Variants in LY9 observed in about 807,000 individuals in gnomAD.
LY9 encodes the protein lymphocyte antigen 9.
LY9 carries 59 observed loss-of-function variants against 64.6 expected under a neutral mutation model. The ratio of observed to expected loss-of-function variants is 0.91; its 90% CI spans 0.74 to 1.13. The LOEUF (loss-of-function observed/expected upper bound fraction) is 1.13, where lower values mean the gene tolerates loss of function less well. LY9 is among the 50% of genes most tolerant of loss of function. LY9 has a pLI of 0.00. For synonymous variants in LY9, 281 were observed against 308.5 expected (o/e 0.91, Z 0.93); for missense variants, 789 against 797.2 (o/e 0.99, Z 0.12).
At chr1:160,797,686 T>C (rs1666021793) in intron 1 of LY9, among the ~76,000 whole-genome samples, 2 of 152,178 alleles carry the variant, frequency 1.3e-5, no homozygotes, top group Non-Finnish European at 2.9e-5. Flanking sequence ...AAAGAGTCAT[T>C]TCAGGAACTT....
At chr1:160,817,026 G>C (rs1485382137) in intron 5 of LY9, among the ~76,000 whole-genome samples, 163 bp downstream of exon 5, 1 of 152,278 alleles carries the variant, frequency 6.6e-6, no homozygotes, top group East Asian at 1.9e-4. Flanking sequence ...TGATTTTAAT[G>C]TTCTAATAGC....
intron 2 of LY9, chr1:160,802,195 C>T (rs1666561611): frequency 8.4e-7 from 1 of 1,196,748 alleles, no homozygotes; most frequent in Non-Finnish European, 1.0e-6. Context: ...GGGGTTTGTG[C>T]TTGGTCTTTC....
In LY9 at chr1:160,819,331, A is replaced by T. The variant is rs934756222; in HGVS notation, c.1455A>T (p.Pro485=). Residue 485 remains proline, a synonymous_variant, in exon 7 of 10, where the codon CCA becomes CCT. Coordinates refer to ENST00000263285, the MANE Select transcript of LY9 (RefSeq NM_002348.4). ...AACTTTGTTTCTCAGGTTCAGTCCCAGCCTTCTGTTCCAGCCAAGCTGAGG... is the reference window on the plus strand; with the variant it reads ...AACTTTGTTTCTCAGGTTCAGTCCCTGCCTTCTGTTCCAGCCAAGCTGAGG... ...IWKRKGRCSV[P]AFCSSQAEAP... is the part of the protein sequence containing the mutation. 3.0e-5 allele frequency: 48 copies of T among 1,613,670 alleles called. No homozygotes were observed. The highest frequency in any genetic ancestry group is 3.8e-5 in the Non-Finnish European group (45 of 1,179,642).
At chr1:160,807,118 C>T (rs1327310668) in intron 2 of LY9, among the ~76,000 whole-genome samples, 1 of 152,058 alleles carries the variant, frequency 6.6e-6, no homozygotes, top group East Asian at 1.9e-4. Flanking sequence ...GTTAATTTGT[C>T]ATTCATATCC....
Position 160,799,900 on chromosome 1 carries a change from G to A in LY9, c.272G>A (p.Arg91His), listed in dbSNP as rs35759983. 3.9e-3 allele frequency: 6,308 copies of A among 1,614,114 alleles called. 27 individuals carry two copies. The highest frequency in any genetic ancestry group is 4.9e-3 in the Non-Finnish European group (5,789 of 1,180,010). The change falls in exon 2 of 10, where the codon CGT becomes CAT. Residue 91 changes from arginine (R) to histidine (H), a missense_variant. Physicochemically the swap from Arg to His is conservative, Grantham distance 29. Transcript: ENST00000263285. ...IGPKNALAFA[R>H]PKENVTIMVK... ...CCCAAAAATGCTCTTGCTTTCGCAC[G>A]TCCCAAAGAAAATGTAACCATTATG...
chr1:160,819,359 C>G lies in LY9; in HGVS notation c.1483C>G (p.Pro495Ala). ...CTTCTGTTCCAGCCAAGCTGAGGCC[C>G]CAGCGGATACACCAGGTAACATCAC... ...PAFCSSQAEA[P>A]ADTPEPTAGH... The change falls in exon 7 of 10, where the codon CCA becomes GCA. Residue 495 changes from proline (P) to alanine (A), a missense_variant. Transcript: ENST00000263285. The G allele has an allele frequency of 6.2e-7, 1 of 1,613,514 alleles. No homozygotes were observed. Among genetic ancestry groups the G allele is most frequent in the Non-Finnish European group, 8.5e-7 (1 of 1,179,552 alleles).
chr1:160,814,401 G>A lies in LY9; in HGVS notation c.731-19G>A, dbSNP rs1029771358. On this transcript the variant is annotated intron_variant, in intron 3 of 9. Coordinates refer to ENST00000263285, the MANE Select transcript of LY9 (RefSeq NM_002348.4). ...TAGGGACAGTGACTGAAGCTGCAAT[G>A]TCTCATCTGTGACCCCAGATCCAGG... The A allele has an allele frequency of 7.6e-6, 12 of 1,574,504 alleles. No individual in the cohort carries two copies. The highest frequency in any genetic ancestry group is 1.0e-5 in the Non-Finnish European group (12 of 1,153,438).
At chr1:160,808,967 C>T (rs909651757) in intron 2 of LY9, among the ~76,000 whole-genome samples, 2 of 152,120 alleles carry the variant, frequency 1.3e-5, no homozygotes, top group African/African-American at 2.4e-5. Flanking sequence ...AAATTCCTTA[C>T]ATGTTATATA....
chr1:160,827,379 C>T (rs570191231), intron 9 of LY9, among the ~76,000 whole-genome samples: 1 of 152,316 alleles, frequency 6.6e-6, no homozygotes, highest in African/African-American at 2.4e-5. Flanking sequence ...GGAACTTAAC[C>T]TCTGCCATCT....
chr1:160,797,582 A>G (rs1482005023), intron 1 of LY9, among the ~76,000 whole-genome samples: 3 of 152,184 alleles, frequency 2.0e-5, no homozygotes, highest in Non-Finnish European at 4.4e-5. Context: ...AACAGTTCAG[A>G]GCAAAGAGGC....
intron 4 of LY9, among the ~76,000 whole-genome samples, chr1:160,815,925 T>C (rs959640915): frequency 6.6e-6 from 1 of 152,222 alleles, no homozygotes; most frequent in East Asian, 1.9e-4. Context: ...GTTCCTTCAC[T>C]TGTGCCATTC....
Position 160,816,969 on chromosome 1 carries a change from G to T in LY9, c.1342+106G>T, listed in dbSNP as rs1668010436. On this transcript the variant is annotated intron_variant, in intron 5 of 9. Transcript: ENST00000263285. ...GTGCAGTAAGAGGCTGTGGGTGAGA[G>T]CCCTTTAGAGTGGCATGCTTCCACA... 3.6e-6 allele frequency: 4 copies of T among 1,110,630 alleles called. No individual in the cohort carries two copies. The African/African-American group carries it at 4.7e-5, about 13-fold the overall frequency. The allele number at this position is 1,110,630 out of a possible 1,614,324, so 68.8% of individuals were successfully genotyped here.
Position 160,810,805 on chromosome 1 carries a change from C to T in LY9, c.455-2831C>T, listed in dbSNP as rs145621393. 3.3e-5 allele frequency: 5 copies of T among 152,284 alleles called. No individual in the cohort carries two copies. In the East Asian group the frequency reaches 9.6e-4, roughly 29 times the overall value. 9.4% of individuals were successfully genotyped at this position (152,284 alleles called of 1,614,324 possible). A position where few individuals can be genotyped will look rare whatever the true frequency, so the allele number is the denominator to read the frequency against. Reference sequence around the variant, plus strand: ...TGGGTGAGACTTGAGATATGATTCACCCTGAGGCAAAATTCTTCTTCAGTT... The same window carrying T: ...TGGGTGAGACTTGAGATATGATTCATCCTGAGGCAAAATTCTTCTTCAGTT... On this transcript the variant is annotated intron_variant, in intron 2 of 9. Transcript: ENST00000263285.
chr1:160,814,095 A>C (rs1294990094), intron 3 of LY9, among the ~76,000 whole-genome samples, 184 bp downstream of exon 3: 1 of 152,210 alleles, frequency 6.6e-6, no homozygotes, highest in Non-Finnish European at 1.5e-5. Context: ...GAAAGCCCAG[A>C]ACACTGTGAT....
chr1:160,814,032 A>C (rs1044907551), intron 3 of LY9, 121 bp downstream of exon 3: 15 of 1,040,454 alleles, frequency 1.4e-5, no homozygotes, highest in South Asian at 6.2e-5. Context: ...GACAGGCCCC[A>C]AAACCCCTTA....
chr1:160,816,385 C>T (rs1667945189), intron 4 of LY9, among the ~76,000 whole-genome samples: 1 of 152,170 alleles, frequency 6.6e-6, no homozygotes, highest in Admixed American at 6.5e-5. Context: ...TGTTTCTCAC[C>T]TGAGCATCAA....
At chr1:160,803,353 T>G (rs525677) in intron 2 of LY9, among the ~76,000 whole-genome samples, 151,652 of 152,140 alleles carry the variant, frequency 1, 75,583 homozygotes, top group Middle Eastern at 1. Flanking sequence ...ATTTTGATAC[T>G]GATTGCCTTG....
intron 2 of LY9, among the ~76,000 whole-genome samples, chr1:160,806,373 C>T (rs1363390551): frequency 6.6e-6 from 1 of 152,116 alleles, no homozygotes; most frequent in Non-Finnish European, 1.5e-5. Context: ...GTGTTTCCAT[C>T]ATGGTAAATG....
chr1:160,814,836 T>C, intron 4 of LY9, 75 bp downstream of exon 4: 1 of 1,228,062 alleles, frequency 8.1e-7, no homozygotes, highest in Non-Finnish European at 1.2e-6. Context: ...TTCTCCACCT[T>C]CCGCTTCTCC....
Sources: gnomAD v4.1 joint callset for allele counts (sites outside exome capture counted in the v4.1 genomes callset) on GRCh38, gnomAD v4.1.1 for gene constraint, MANE v1.5 for transcripts, NCBI Gene and HGNC (gene_info 2026-07-23, HGNC 2026-07-21) for gene names.